TMEM38A: variants seen among roughly 807,000 people sequenced by gnomAD.
The protein encoded by TMEM38A is transmembrane protein 38A, also known as trimeric intracellular cation channel type A.
In TMEM38A, 17 loss-of-function variants were observed where a neutral mutation model predicts 28.6. The observed-to-expected ratio is 0.60, with a 90% CI of 0.41 to 0.89. The LOEUF (loss-of-function observed/expected upper bound fraction) is 0.89. Among genes scored for constraint, TMEM38A ranks in the 40% least tolerant of loss-of-function variants. The pLI, the probability that TMEM38A is intolerant of heterozygous loss-of-function variation, is 0.00. For missense variants in TMEM38A, 328 were observed against 393.1 expected (o/e 0.83, Z 1.40); for synonymous variants, 169 against 166.1 (o/e 1.02, Z -0.14).
At chr19:16,665,431 A>G (rs2086698806) in intron 1 of TMEM38A, among the ~76,000 whole-genome samples, 1 of 150,764 alleles carries the variant, frequency 6.6e-6, no homozygotes, top group Non-Finnish European at 1.5e-5. Context: ...TGGAGGCTGC[A>G]GTGAGCCATG....
intron 1 of TMEM38A, among the ~76,000 whole-genome samples, chr19:16,672,082 C>T (rs200935718): frequency 2.0e-5 from 3 of 152,172 alleles, no homozygotes; most frequent in South Asian, 2.1e-4. Context: ...AATGGTAAGA[C>T]GTAGGACAAC....
intron 1 of TMEM38A, among the ~76,000 whole-genome samples, chr19:16,667,610 A>C (rs1057373925): frequency 4.6e-5 from 7 of 152,084 alleles, no homozygotes; most frequent in Non-Finnish European, 8.8e-5. Flanking sequence ...TAATCCCAGC[A>C]CTTTGGGAGG....
At chr19:16,685,272 G>C (rs527685867) in intron 4 of TMEM38A, among the ~76,000 whole-genome samples, 1 of 152,022 alleles carries the variant, frequency 6.6e-6, no homozygotes, top group South Asian at 2.1e-4. Flanking sequence ...TGTAATCCCA[G>C]CTACTCGGGA....
chr19:16,661,861 C>T lies in TMEM38A; in HGVS notation c.124+520C>T, dbSNP rs2122569847. On this transcript the variant is annotated intron_variant, in intron 1 of 5. Coordinates refer to ENST00000187762, the MANE Select transcript of TMEM38A (RefSeq NM_024074.4). The surrounding 1 kb of genome is among the most constrained non-coding windows in gnomAD (Gnocchi z 6.5). Reference sequence around the variant, plus strand: ...TGCAACTGCCCAGCACCCTCCACTCCCCTCCCTTCCCCCACGGTGCTGAAT... The same window carrying T: ...TGCAACTGCCCAGCACCCTCCACTCTCCTCCCTTCCCCCACGGTGCTGAAT... 6.6e-6 allele frequency among the ~76,000 whole-genome samples: 1 copy of T among 152,166 alleles called. No homozygotes were observed. Among genetic ancestry groups the T allele is most frequent in the Non-Finnish European group, 1.5e-5 (1 of 68,014 alleles).
chr19:16,684,779 C>G (rs2086794761), intron 4 of TMEM38A, among the ~76,000 whole-genome samples: 1 of 151,196 alleles, frequency 6.6e-6, no homozygotes. Context: ...CAGCTCACAC[C>G]TGTAATCCCA....
At chr19:16,679,554 A>G (rs889869381) in intron 1 of TMEM38A, among the ~76,000 whole-genome samples, 9 of 152,130 alleles carry the variant, frequency 5.9e-5, no homozygotes, top group Non-Finnish European at 1.2e-4. Flanking sequence ...TGGACTCCCA[A>G]AGTGCTGGGA....
intron 5 of TMEM38A, among the ~76,000 whole-genome samples, chr19:16,687,658 C>T (rs981321103): frequency 1.3e-5 from 2 of 152,224 alleles, no homozygotes; most frequent in East Asian, 1.9e-4. Context: ...ACTGTGTCCT[C>T]GCATGGTGGA....
At chr19:16,672,451 T>TC (rs2086731946) in intron 1 of TMEM38A, among the ~76,000 whole-genome samples, 2 of 144,648 alleles carry the variant, frequency 1.4e-5, no homozygotes, top group African/African-American at 2.7e-5. Flanking sequence ...ACCTCATTTT[T>TC]TTTTTTTTTT....
Position 16,685,901 on chromosome 19 carries a change from C to G in TMEM38A, c.555-387C>G, listed in dbSNP as rs147466050. Reference sequence around the variant, plus strand: ...GAGAAGCTGTGGCTGGGCGCAGTGGCTCATGCCTATAATCCCAGCACTTTG... The same window carrying G: ...GAGAAGCTGTGGCTGGGCGCAGTGGGTCATGCCTATAATCCCAGCACTTTG... On this transcript the variant is annotated intron_variant, in intron 4 of 5. Transcript: ENST00000187762. 3.6e-3 allele frequency among the ~76,000 whole-genome samples: 556 copies of G among 152,344 alleles called. 3 individuals are homozygous for G. Among genetic ancestry groups the G allele is most frequent in the African/African-American group, 0.013 (532 of 41,582 alleles).
chr19:16,673,798 G>T (rs189113433), intron 1 of TMEM38A, among the ~76,000 whole-genome samples: 4 of 152,242 alleles, frequency 2.6e-5, no homozygotes, highest in African/African-American at 7.2e-5. Flanking sequence ...AATGTCACCA[G>T]AAATGCGCAG....
rs10411913 is a variant in TMEM38A at position 16,677,778 on chromosome 19, G to C, written c.125-2206G>C. On this transcript the variant is annotated intron_variant, in intron 1 of 5. Transcript: ENST00000187762. ...TCACTATGTTGCCCATGTTGGTCTCGAACACCCAGGCTCAAGTGATCTACG... is the reference window on the plus strand; with the variant it reads ...TCACTATGTTGCCCATGTTGGTCTCCAACACCCAGGCTCAAGTGATCTACG... Among the ~76,000 whole-genome samples, 617 of 152,134 alleles carry C rather than the reference G, an allele frequency of 4.1e-3. 9 individuals are homozygous for C. The highest frequency in any genetic ancestry group is 0.014 in the African/African-American group (580 of 41,504).
chr19:16,674,330 G>A (rs142820596), intron 1 of TMEM38A, among the ~76,000 whole-genome samples: 2,412 of 148,022 alleles, frequency 0.016, 29 homozygotes, highest in Non-Finnish European at 0.027. Context: ...GGAGATTGCA[G>A]TGAGCCGAGA....
chr19:16,680,306 TG>T, intron 2 of TMEM38A, 90 bp from the exon 3 acceptor site: 2 of 1,524,214 alleles, frequency 1.3e-6, no homozygotes, highest in Non-Finnish European at 1.8e-6. Context: ...CACAGCACGT[TG>T]GGGAGGGTGG....
At chr19:16,686,456 C>T (rs755033114) in intron 5 of TMEM38A, 51 bp downstream of exon 5, 29 of 1,466,482 alleles carry the variant, frequency 2.0e-5, no homozygotes, top group Non-Finnish European at 2.5e-5. Context: ...TGCCACCCTG[C>T]CACCTCCAGG....
chr19:16,677,520 A>G (rs2086757153), intron 1 of TMEM38A, among the ~76,000 whole-genome samples: 1 of 147,888 alleles, frequency 6.8e-6, no homozygotes. Context: ...AATTTTTTGT[A>G]GAGATGGGGT....
At chr19:16,675,660 T>C (rs1023217074) in intron 1 of TMEM38A, among the ~76,000 whole-genome samples, 10 of 150,954 alleles carry the variant, frequency 6.6e-5, no homozygotes, top group Admixed American at 1.3e-4. Context: ...GCGATTCTCC[T>C]ACCTCTGCCT....
chr19:16,674,729 G>C (rs370435183), intron 1 of TMEM38A, among the ~76,000 whole-genome samples: 12 of 151,994 alleles, frequency 7.9e-5, no homozygotes, highest in Non-Finnish European at 1.6e-4. Context: ...AACCCAGGAG[G>C]CAGAGGTTGC....
At position 16,688,394 on chromosome 19, in the gene TMEM38A, G is replaced by A; in HGVS notation, c.*23G>A. On this transcript the variant is annotated 3_prime_UTR_variant, in exon 6 of 6. Transcript: ENST00000187762. Reference sequence around the variant, plus strand: ...TAGGGGGTGGCCCAAGGGGCACCGGGGAGAGGACCCGGACCCAGGACCCTC... The same window carrying A: ...TAGGGGGTGGCCCAAGGGGCACCGGAGAGAGGACCCGGACCCAGGACCCTC... 6.5e-7 allele frequency: 1 copy of A among 1,529,032 alleles called. No homozygotes were observed. Among genetic ancestry groups the A allele is most frequent in the Admixed American group, 1.9e-5 (1 of 51,502 alleles). 94.7% of individuals were successfully genotyped at this position (1,529,032 alleles called of 1,614,324 possible).
At chr19:16,681,732 C>T (rs144391768) in intron 3 of TMEM38A, among the ~76,000 whole-genome samples, 60 of 152,182 alleles carry the variant, frequency 3.9e-4, no homozygotes, top group East Asian at 2.5e-3. Flanking sequence ...ATACCAGTAG[C>T]GCTCCCTCCC....
Sources: allele counts gnomAD v4.1 joint callset (sites outside exome capture counted in the v4.1 genomes callset), GRCh38; gene constraint gnomAD v4.1.1; non-coding constraint Gnocchi (gnomAD v3.1); transcripts MANE v1.5; gene names NCBI Gene and HGNC (gene_info 2026-07-23, HGNC 2026-07-21).